TENM2: variants seen among roughly 807,000 people sequenced by gnomAD.
The protein encoded by TENM2 is teneurin transmembrane protein 2.
TENM2 carries 52 observed loss-of-function variants against 245.2 expected under a neutral mutation model. That is an observed-to-expected ratio of 0.21 (90% CI 0.17 to 0.27). The LOEUF is 0.27. TENM2 is among the 10% of genes least tolerant of loss of function. TENM2 has a pLI of 1.00. For missense variants in TENM2, 3,046 were observed against 3,666.8 expected, an observed-to-expected ratio of 0.83 and a Z score of 4.37; for synonymous variants, 1,363 against 1,438.9, an observed-to-expected ratio of 0.95 and a Z score of 1.19.
At chr5:167,809,990 G>T (rs1220862357) in intron 2 of TENM2, among the ~76,000 whole-genome samples, 1 of 152,104 alleles carries the variant, frequency 6.6e-6, no homozygotes, top group African/African-American at 2.4e-5. Context: ...GAATGAATTT[G>T]CTCTGCCGTC....
chr5:168,234,897 T>C (rs947704161), intron 25 of TENM2, among the ~76,000 whole-genome samples: 3 of 152,222 alleles, frequency 2.0e-5, no homozygotes, highest in African/African-American at 7.2e-5. Flanking sequence ...ATTAGTGTTA[T>C]TAGTATTCCA....
At chr5:167,806,369 G>A (rs968547099) in intron 2 of TENM2, among the ~76,000 whole-genome samples, 1 of 151,928 alleles carries the variant, frequency 6.6e-6, no homozygotes, top group African/African-American at 2.4e-5. Flanking sequence ...TTATAGATGA[G>A]AGCATCTCAA....
At chr5:167,037,485 C>A in the TENM2 span, among the ~76,000 whole-genome samples, 1 of 152,114 alleles carries the variant, frequency 6.6e-6, no homozygotes, top group Non-Finnish European at 1.5e-5. Flanking sequence ...TCAAATATAT[C>A]CAAAAATAAA....
chr5:166,981,974 G>T, the TENM2 span, among the ~76,000 whole-genome samples: 1 of 152,086 alleles, frequency 6.6e-6, no homozygotes, highest in South Asian at 2.1e-4. Context: ...GGTTTATTAT[G>T]ATAATAATTA....
At chr5:167,579,440 T>C (rs1774931379) in intron 2 of TENM2, among the ~76,000 whole-genome samples, 1 of 152,200 alleles carries the variant, frequency 6.6e-6, no homozygotes, top group Non-Finnish European at 1.5e-5. Flanking sequence ...CATATCATTA[T>C]TGTCTGTTAT....
the TENM2 span, among the ~76,000 whole-genome samples, chr5:167,106,100 A>C: frequency 6.6e-6 from 1 of 152,002 alleles, no homozygotes; most frequent in Non-Finnish European, 1.5e-5. Flanking sequence ...ATATTTAAGG[A>C]TTGAATGAGA....
At chr5:167,399,134 A>T (rs1056818785) in intron 2 of TENM2, among the ~76,000 whole-genome samples, 1 of 152,160 alleles carries the variant, frequency 6.6e-6, no homozygotes, top group South Asian at 2.1e-4. Flanking sequence ...TCGTATATCA[A>T]AAAGGAATTC....
intron 3 of TENM2, among the ~76,000 whole-genome samples, chr5:167,929,052 AGAAAGAGAGAAAG>A (rs1778007152): frequency 9.3e-6 from 1 of 107,424 alleles, no homozygotes; most frequent in Non-Finnish European, 1.8e-5. Flanking sequence ...GAAAAAAGAA[AGAAAGAGAGAAAG>A]AAAGAAAGAA....
the TENM2 span, among the ~76,000 whole-genome samples, chr5:167,024,325 A>G: frequency 6.6e-6 from 1 of 152,210 alleles, no homozygotes; most frequent in Non-Finnish European, 1.5e-5. Flanking sequence ...TTCATTAAAT[A>G]GTTATTGAAG....
intron 2 of TENM2, among the ~76,000 whole-genome samples, chr5:167,416,910 A>G (rs1038661172): frequency 6.6e-6 from 1 of 152,150 alleles, no homozygotes; most frequent in Non-Finnish European, 1.5e-5. Flanking sequence ...TTGTTTCGAG[A>G]TCATTCAAAT....
intron 27 of TENM2, among the ~76,000 whole-genome samples, chr5:168,257,795 T>C (rs967060265): frequency 2.0e-5 from 3 of 152,140 alleles, no homozygotes; most frequent in African/African-American, 4.8e-5. Flanking sequence ...TTTGTATTTT[T>C]AGTAGAGACG....
intron 2 of TENM2, among the ~76,000 whole-genome samples, chr5:167,390,739 T>C (rs138850603): frequency 8.7e-4 from 132 of 152,290 alleles, no homozygotes; most frequent in African/African-American, 2.9e-3. Flanking sequence ...ACATTTAGAA[T>C]GGAAAAGACC....
chr5:167,796,278 T>C (rs1765310200), intron 2 of TENM2, among the ~76,000 whole-genome samples: 1 of 152,138 alleles, frequency 6.6e-6, no homozygotes, highest in Admixed American at 6.5e-5. Context: ...CAAAACACCT[T>C]TTATGCAATT....
At chr5:167,233,803 T>A in the TENM2 span, among the ~76,000 whole-genome samples, 1 of 152,188 alleles carries the variant, frequency 6.6e-6, no homozygotes, top group Non-Finnish European at 1.5e-5. Flanking sequence ...AAATTATGTC[T>A]AATTTTTTTA....
At chr5:167,367,632 T>C (rs1388043340) in intron 1 of TENM2, among the ~76,000 whole-genome samples, 1 of 152,118 alleles carries the variant, frequency 6.6e-6, no homozygotes, top group African/African-American at 2.4e-5. Context: ...TATGTAAATA[T>C]GTAGGCTTTT....
chr5:167,675,823 G>A (rs1430345895), intron 2 of TENM2, among the ~76,000 whole-genome samples: 3 of 152,086 alleles, frequency 2.0e-5, no homozygotes, highest in Non-Finnish European at 4.4e-5. Flanking sequence ...GCATTTTCAT[G>A]TAGACAGTAC....
intron 2 of TENM2, among the ~76,000 whole-genome samples, chr5:167,862,064 A>G (rs1225566421): frequency 2.0e-5 from 3 of 152,186 alleles, no homozygotes; most frequent in Non-Finnish European, 4.4e-5. Flanking sequence ...TGACATTAAC[A>G]TTGCTGACAG....
At chr5:168,197,532 C>G (rs1010497765) in intron 15 of TENM2, among the ~76,000 whole-genome samples, 3 of 152,024 alleles carry the variant, frequency 2.0e-5, no homozygotes, top group African/African-American at 7.2e-5. Flanking sequence ...AACCCCATCT[C>G]TACTAAAAAT....
intron 10 of TENM2, 92 bp downstream of exon 12, chr5:168,118,578 T>G (rs1388024615): frequency 1.0e-6 from 1 of 997,490 alleles, no homozygotes. Context: ...GGGCTGCGTG[T>G]TTTGCAAGAG....
Sources: gnomAD v4.1 joint callset for allele counts (sites outside exome capture counted in the v4.1 genomes callset) on GRCh38, gnomAD v4.1.1 for gene constraint, MANE v1.5 for transcripts, NCBI Gene and HGNC (gene_info 2026-07-23, HGNC 2026-07-21) for gene names.